The following DOP1B variants were observed in gnomAD, a reference collection of about 807,000 sequenced individuals.
The protein encoded by DOP1B is protein DOP1B.
Under a neutral mutation model 233.5 loss-of-function variants are expected in DOP1B, and 174 were observed. The ratio of observed to expected loss-of-function variants is 0.75; its 90% confidence interval spans 0.66 to 0.85. DOP1B has a LOEUF of 0.85. Ranked by LOEUF, DOP1B falls within the 40% of genes least tolerant of loss-of-function variation. The pLI is 0.00. For missense variants in DOP1B, 2,652 were observed against 2,846.6 expected (o/e 0.93, Z 1.56); for synonymous variants, 1,190 against 1,185.6 (o/e 1.00, Z -0.08).
chr21:36,159,249 C>T lies in DOP1B; in HGVS notation c.-27+2306C>T, dbSNP rs529794522. Among the ~76,000 whole-genome samples, 11 of 152,184 alleles carry T rather than the reference C, an allele frequency of 7.2e-5. No individual in the cohort carries two copies. In the South Asian group the frequency reaches 1.7e-3, roughly 23 times the overall value. ...GGTGGATCACTTGAGGTTGGGTGTT[C>T]GAGACCAGGCTGACCAACATGGAGA... On this transcript the variant is annotated intron_variant, in intron 1 of 36. Coordinates refer to ENST00000691173, the MANE Select transcript of DOP1B (RefSeq NM_001320714.2).
At chr21:36,188,009 A>G (rs892341191) in intron 2 of DOP1B, among the ~76,000 whole-genome samples, 2 of 152,182 alleles carry the variant, frequency 1.3e-5, no homozygotes, top group Non-Finnish European at 2.9e-5. Context: ...AAATTTTAAA[A>G]GGAAAAAAAA....
intron 26 of DOP1B, among the ~76,000 whole-genome samples, chr21:36,264,173 T>C (rs57846894): frequency 0.17 from 26,474 of 152,198 alleles, 3,226 homozygotes; most frequent in African/African-American, 0.33. Context: ...GTAATCCCAG[T>C]ACTTTGGGAG....
chr21:36,238,775 G>A lies in DOP1B; in HGVS notation c.2876+74G>A, dbSNP rs780552074. 4.2e-6 allele frequency: 6 copies of A among 1,428,778 alleles called. No homozygotes were observed. In the African/African-American group the frequency reaches 7.0e-5, roughly 17 times the overall value. 88.5% of individuals were successfully genotyped at this position (1,428,778 alleles called of 1,614,324 possible). On this transcript the variant is annotated intron_variant, in intron 17 of 36. Coordinates refer to ENST00000691173, the MANE Select transcript of DOP1B (RefSeq NM_001320714.2). The stretch of plus-strand genomic sequence containing the variant: ...ACAGAGGTGCCTGCCCAACGTGTGG[G>A]GCTGGGGAGGGAGAGGAGCGTGCAG...
At chr21:36,207,303 G>A (rs1181683439) in intron 4 of DOP1B, among the ~76,000 whole-genome samples, 1 of 151,400 alleles carries the variant, frequency 6.6e-6, no homozygotes, top group African/African-American at 2.4e-5. Context: ...TCCTGCCTCA[G>A]CCTCCCCAGT....
chr21:36,162,699 C>G (rs2065879275), intron 1 of DOP1B, among the ~76,000 whole-genome samples: 1 of 151,966 alleles, frequency 6.6e-6, no homozygotes, highest in African/African-American at 2.4e-5. Flanking sequence ...GCCACCATGC[C>G]CAGCTATTTT....
intron 22 of DOP1B, among the ~76,000 whole-genome samples, chr21:36,253,534 C>A (rs1378773325): frequency 6.6e-6 from 1 of 151,332 alleles, no homozygotes; most frequent in African/African-American, 2.4e-5. Flanking sequence ...GCCAACATGG[C>A]GAAACCTCAT....
intron 24 of DOP1B, 28 bp from the exon 25 acceptor site, chr21:36,263,514 TTGAG>T (rs755860717): frequency 1.6e-5 from 25 of 1,568,498 alleles, no homozygotes; most frequent in Middle Eastern, 1.7e-4. Flanking sequence ...TTGTTCGTGG[TTGAG>T]TATTTTTCCT....
Position 36,263,625 on chromosome 21 carries a change from C to G in DOP1B, c.5395C>G (p.Pro1799Ala), listed in dbSNP as rs1321742343. 3.1e-6 allele frequency: 5 copies of G among 1,614,024 alleles called. No homozygotes were observed. Among genetic ancestry groups the G allele is most frequent in the Non-Finnish European group, 4.2e-6 (5 of 1,180,030 alleles). The change falls in exon 25 of 37, where the codon CCA becomes GCA. Residue 1799 changes from proline (P) to alanine (A), a missense_variant. By Grantham distance (27) the Pro-to-Ala change is conservative. Transcript: ENST00000691173. ...LKESVQLNLA[P>A]PGYFLLLSML... ...AGAGTCTGTACAGTTGAATCTAGCC[C>G]CACCTGGGTATTTTCTGCTTCTCAG...
chr21:36,192,391 C>CT (rs369131737), intron 2 of DOP1B, among the ~76,000 whole-genome samples: 1,801 of 136,790 alleles, frequency 0.013, 20 homozygotes, highest in Non-Finnish European at 0.018. Flanking sequence ...AATTTTCATT[C>CT]TTTTTTTTTT....
At chr21:36,214,232 C>T (rs185422735) in intron 8 of DOP1B, 42 bp downstream of exon 8, 15 of 1,522,100 alleles carry the variant, frequency 9.9e-6, no homozygotes, top group South Asian at 3.5e-5. Flanking sequence ...TCCTTGGTGA[C>T]GATTCTCCAG....
chr21:36,218,888 C>G (rs981811563), intron 9 of DOP1B, among the ~76,000 whole-genome samples: 1 of 152,164 alleles, frequency 6.6e-6, no homozygotes. Flanking sequence ...TTGTGTTGCT[C>G]CAGCTCATGA....
chr21:36,185,266 T>A (rs2066150977), intron 2 of DOP1B, among the ~76,000 whole-genome samples: 1 of 152,216 alleles, frequency 6.6e-6, no homozygotes, highest in Admixed American at 6.5e-5. Flanking sequence ...GTTCTCTGCA[T>A]CATGTACATT....
chr21:36,173,385 A>G (rs2065990767), intron 2 of DOP1B, among the ~76,000 whole-genome samples: 1 of 151,544 alleles, frequency 6.6e-6, no homozygotes, highest in Non-Finnish European at 1.5e-5. Context: ...ATGTTTCAGC[A>G]TCATTTTTAG....
chr21:36,161,590 G>A (rs1367625913), intron 1 of DOP1B, among the ~76,000 whole-genome samples: 2 of 152,182 alleles, frequency 1.3e-5, no homozygotes, highest in African/African-American at 2.4e-5. Context: ...CGGGGCAGAA[G>A]CAATCCTCCT....
At chr21:36,186,211 A>C (rs1268562834) in intron 2 of DOP1B, among the ~76,000 whole-genome samples, 1 of 151,962 alleles carries the variant, frequency 6.6e-6, no homozygotes, top group Non-Finnish European at 1.5e-5. Flanking sequence ...TCACAAAAAA[A>C]AAAAGAAGTA....
At chr21:36,284,895 G>A (rs1306588606) in intron 32 of DOP1B, among the ~76,000 whole-genome samples, 1 of 149,852 alleles carries the variant, frequency 6.7e-6, no homozygotes, top group African/African-American at 2.4e-5. Context: ...ATATTGACAT[G>A]ATTGTAATAA....
chr21:36,282,156 C>T (rs2067424517), intron 32 of DOP1B, among the ~76,000 whole-genome samples: 1 of 152,222 alleles, frequency 6.6e-6, no homozygotes, highest in Non-Finnish European at 1.5e-5. Flanking sequence ...TACAGTGGCT[C>T]ATGCCTGTAA....
At position 36,209,564 on chromosome 21, in the gene DOP1B, G is replaced by A. The variant is rs116620793; in HGVS notation, c.681+660G>A. Among the ~76,000 whole-genome samples, 628 of 152,252 alleles carry A rather than the reference G, an allele frequency of 4.1e-3. 3 individuals are homozygous for A. The highest frequency in any genetic ancestry group is 0.014 in the African/African-American group (590 of 41,536). On this transcript the variant is annotated intron_variant, in intron 5 of 36. Coordinates refer to ENST00000691173, the MANE Select transcript of DOP1B (RefSeq NM_001320714.2). The stretch of plus-strand genomic sequence containing the variant: ...CCTTCCTCTGTCCTGTGTCACGGGG[G>A]CCACTGCCCACTCACACATGGAAAC...
At chr21:36,228,192 G>A (rs1445411372) in intron 13 of DOP1B, among the ~76,000 whole-genome samples, 1 of 152,056 alleles carries the variant, frequency 6.6e-6, no homozygotes, top group Non-Finnish European at 1.5e-5. Context: ...GCCAAGTACA[G>A]TGGCCCACAC....
Sources: allele counts gnomAD v4.1 joint callset (sites outside exome capture counted in the v4.1 genomes callset), GRCh38; gene constraint gnomAD v4.1.1; transcripts MANE v1.5; gene names NCBI Gene and HGNC (gene_info 2026-07-23, HGNC 2026-07-21).